The following NSMAF variants were observed in gnomAD, a reference collection of about 807,000 sequenced individuals.
NSMAF encodes the protein neutral sphingomyelinase activation associated factor, also known as protein FAN.
NSMAF carries 90 observed loss-of-function variants against 134.9 expected under a neutral mutation model. The ratio of observed to expected loss-of-function variants is 0.67; its 90% confidence interval spans 0.56 to 0.79. The LOEUF is 0.79. Among genes scored for constraint, NSMAF ranks in the 30% least tolerant of loss-of-function variants. The pLI is 0.00. For synonymous variants in NSMAF, 358 were observed against 389.6 expected (o/e 0.92, Z 0.96); for missense variants, 1,010 against 1,119.0 (o/e 0.90, Z 1.39).
chr8:58,653,015 A>G (rs996596849), intron 1 of NSMAF, among the ~76,000 whole-genome samples: 3 of 152,238 alleles, frequency 2.0e-5, no homozygotes, highest in Admixed American at 2.0e-4. Context: ...GGCAATTAGT[A>G]ATGTACAATC....
At chr8:58,655,976 T>A (rs1807698848) in intron 1 of NSMAF, among the ~76,000 whole-genome samples, 1 of 152,048 alleles carries the variant, frequency 6.6e-6, no homozygotes. Flanking sequence ...AGGACATTTT[T>A]AAAAAACAAT....
chr8:58,609,824 T>A, intron 9 of NSMAF, 91 bp from the exon 10 acceptor site: 1 of 1,241,492 alleles, frequency 8.1e-7, no homozygotes, highest in Non-Finnish European at 1.1e-6. Flanking sequence ...TGACTTTCTA[T>A]GACATTTGTC....
chr8:58,604,765 A>T (rs1806366187), intron 12 of NSMAF, among the ~76,000 whole-genome samples: 1 of 152,072 alleles, frequency 6.6e-6, no homozygotes, highest in Non-Finnish European at 1.5e-5. Flanking sequence ...TTTTTTTGAG[A>T]CAGGGTCTCA....
Position 58,645,041 on chromosome 8 carries a change from A to G in NSMAF, c.60-1968T>C, listed in dbSNP as rs1807414732. On this transcript the variant is annotated intron_variant, in intron 1 of 30. Transcript: ENST00000038176. Reference sequence around the variant, plus strand: ...GATGTGTTGATGGGTGCAGCAAACCACCATGGCACGTGTATACCTATGTAA... The same window carrying G: ...GATGTGTTGATGGGTGCAGCAAACCGCCATGGCACGTGTATACCTATGTAA... 3.3e-5 allele frequency among the ~76,000 whole-genome samples: 5 copies of G among 151,522 alleles called. 1 individual carries two copies. The highest frequency in any genetic ancestry group is 3.3e-4 in the Admixed American group (5 of 15,184).
At chr8:58,653,374 T>C (rs909097138) in intron 1 of NSMAF, among the ~76,000 whole-genome samples, 2 of 152,086 alleles carry the variant, frequency 1.3e-5, no homozygotes, top group Non-Finnish European at 2.9e-5. Flanking sequence ...ACTAAACTAA[T>C]TCATTAAGAT....
intron 11 of NSMAF, 133 bp from the exon 12 acceptor site, chr8:58,606,168 A>G: frequency 1.3e-6 from 1 of 751,040 alleles, no homozygotes; most frequent in East Asian, 3.4e-5. Context: ...TCCTATTTTC[A>G]ATCTATAAAT....
intron 12 of NSMAF, among the ~76,000 whole-genome samples, 187 bp downstream of exon 12, chr8:58,605,740 C>T (rs1173936549): frequency 6.6e-6 from 1 of 151,730 alleles, no homozygotes; most frequent in African/African-American, 2.4e-5. Flanking sequence ...ATTAGCCTGG[C>T]GTGGTAGCGG....
rs1013571021 is a variant in NSMAF at position 58,659,153 on chromosome 8, G to C, written c.59+420C>G. On this transcript the variant is annotated intron_variant, in intron 1 of 30. Coordinates refer to ENST00000038176, the MANE Select transcript of NSMAF (RefSeq NM_003580.4). ...GCCGAGTGCCTGGACCCGATTAAGGGGAAGGATTAGAAAGGGGGTGCCCGC... is the reference window on the plus strand; with the variant it reads ...GCCGAGTGCCTGGACCCGATTAAGGCGAAGGATTAGAAAGGGGGTGCCCGC... 2.4e-5 allele frequency: 33 copies of C among 1,395,832 alleles called. No individual in the cohort carries two copies. In the Middle Eastern group the frequency reaches 1.3e-3, roughly 55 times the overall value. The allele number at this position is 1,395,832 out of a possible 1,614,324, so 86.5% of individuals were successfully genotyped here.
chr8:58,589,722 C>CA (rs1805980525), intron 25 of NSMAF, 147 bp from the exon 26 acceptor site: 4 of 778,844 alleles, frequency 5.1e-6, no homozygotes, highest in Middle Eastern at 6.9e-4. Context: ...ATTACTAAAT[C>CA]AAAATATTCA....
chr8:58,599,313 CAT>C lies in NSMAF; in HGVS notation c.1502_1503del (p.Tyr501CysfsTer3). 1 of 1,614,040 alleles carries C rather than the reference CAT, an allele frequency of 6.2e-7. No individual in the cohort carries two copies. Among genetic ancestry groups the C allele is most frequent in the South Asian group, 1.1e-5 (1 of 91,082 alleles). On this transcript the variant is annotated frameshift_variant, in exon 19 of 31. Transcript: ENST00000038176. LOFTEE classifies it high-confidence loss of function. The stretch of plus-strand genomic sequence containing the variant: ...ATCCACTCGTGAAGGTGTTCAGACA[CAT>C]AATTGCTTTCCAATGCATCTTTGCT... The part of the protein sequence containing the change: ...QKSKDALESN[Y>X]VSEHLHEWID...
In NSMAF at chr8:58,597,455, C is replaced by A. The variant is rs1806163243; in HGVS notation, c.1724G>T (p.Arg575Met). 1 of 1,614,008 alleles carries A rather than the reference C, an allele frequency of 6.2e-7. No individual in the cohort carries two copies. Among genetic ancestry groups the A allele is most frequent in the African/African-American group, 1.3e-5 (1 of 74,942 alleles). Residue 575 changes from arginine (R) to methionine (M), a missense_variant, in exon 21 of 31, where the codon AGG becomes ATG. Arg to Met is a moderately conservative substitution (Grantham distance 91). Coordinates refer to ENST00000038176, the MANE Select transcript of NSMAF (RefSeq NM_003580.4). ...CAAACTTTTAAACTTTGGGGTGATC[C>A]TTCGAGGATGTGGTGTCACAAATAG... Reference protein sequence around the residue: ...KQLFVTPHPRRITPKFKSLSQ... With the variant: ...KQLFVTPHPRMITPKFKSLSQ...
At chr8:58,645,664 CAGA>C (rs1807430718) in intron 1 of NSMAF, among the ~76,000 whole-genome samples, 1 of 152,024 alleles carries the variant, frequency 6.6e-6, no homozygotes, top group African/African-American at 2.4e-5. Context: ...ATGCAGAGAA[CAGA>C]AGAAAAGGTC....
At position 58,609,612 on chromosome 8, in the gene NSMAF, C is replaced by T. The variant is rs761976304; in HGVS notation, c.679G>A (p.Gly227Ser). Residue 227 changes from glycine (G) to serine (S), a missense_variant, in exon 10 of 31, where the codon GGC becomes AGC. Transcript: ENST00000038176. ...CCCTGTGGTCTACACACCGGGTAGC[C>T]GTTGAGGGGCTGAAAATACAGGTTT... The part of the protein sequence containing the change: ...DTNLYFQPLN[G>S]YPKPVVQITL... The T allele has an allele frequency of 1.1e-5, 17 of 1,613,956 alleles. No individual in the cohort carries two copies. The highest frequency in any genetic ancestry group is 8.3e-5 in the Admixed American group (5 of 59,982).
intron 5 of NSMAF, among the ~76,000 whole-genome samples, chr8:58,634,662 T>C (rs1327110460): frequency 6.6e-6 from 1 of 152,200 alleles, no homozygotes; most frequent in Non-Finnish European, 1.5e-5. Context: ...ATTAATAATA[T>C]GACAGGAGAA....
rs200114835 is a variant in NSMAF at position 58,588,439 on chromosome 8, C to T, written c.2212-738G>A. On this transcript the variant is annotated intron_variant, in intron 26 of 30. Transcript: ENST00000038176. ...TCCTTACATGGGCTTTGGTGGGGGA[C>T]GTGGGGCAGCACCCGCAGGTCTAAA... 321 of 1,245,168 alleles carry T rather than the reference C, an allele frequency of 2.6e-4. 1 individual carries two copies. Among genetic ancestry groups the T allele is most frequent in the Non-Finnish European group, 3.3e-4 (285 of 860,492 alleles). 77.1% of individuals were successfully genotyped at this position (1,245,168 alleles called of 1,614,324 possible).
intron 11 of NSMAF, among the ~76,000 whole-genome samples, chr8:58,607,438 C>T (rs758634318): frequency 1.5e-4 from 23 of 152,206 alleles, no homozygotes; most frequent in Non-Finnish European, 2.4e-4. Flanking sequence ...ATGGTGGAGG[C>T]AAGTACAGCA....
chr8:58,643,172 T>C (rs1387222), intron 1 of NSMAF, 99 bp from the exon 2 acceptor site: 4 of 849,478 alleles, frequency 4.7e-6, no homozygotes, highest in Non-Finnish European at 7.9e-6. Flanking sequence ...TTTTCCATTC[T>C]TGAATTTAAC....
intron 9 of NSMAF, among the ~76,000 whole-genome samples, chr8:58,622,910 T>C (rs1056158986): frequency 1.3e-5 from 2 of 151,948 alleles, no homozygotes; most frequent in Non-Finnish European, 2.9e-5. Context: ...TGGAGTCAGG[T>C]AGGTGAACTA....
At chr8:58,603,696 T>C (rs1331568558) in intron 12 of NSMAF, among the ~76,000 whole-genome samples, 2 of 151,422 alleles carry the variant, frequency 1.3e-5, no homozygotes, top group East Asian at 1.9e-4. Context: ...GTAATATTTA[T>C]ACAGTAACAA....
Sources: gnomAD v4.1 joint callset for allele counts (sites outside exome capture counted in the v4.1 genomes callset) on GRCh38, gnomAD v4.1.1 for gene constraint, MANE v1.5 for transcripts, NCBI Gene and HGNC (gene_info 2026-07-23, HGNC 2026-07-21) for gene names.